Variants in CACNA2D3 observed in about 807,000 individuals in gnomAD.
CACNA2D3 encodes the protein calcium voltage-gated channel auxiliary subunit alpha2delta 3.
In CACNA2D3, 60 loss-of-function variants were observed where a neutral mutation model predicts 160.6. That is an observed-to-expected ratio of 0.37 (90% CI 0.30 to 0.46). The LOEUF is 0.46. Among genes scored for constraint, CACNA2D3 ranks in the 20% least tolerant of loss-of-function variants. The pLI is 1.00. For synonymous variants in CACNA2D3, 558 were observed against 492.9 expected, an observed-to-expected ratio of 1.13 and a Z score of -1.75; for missense variants, 1,205 against 1,365.0, an observed-to-expected ratio of 0.88 and a Z score of 1.85.
At chr3:54,679,131 C>T (rs762727913) in intron 11 of CACNA2D3, among the ~76,000 whole-genome samples, 14 of 152,150 alleles carry the variant, frequency 9.2e-5, no homozygotes, top group Non-Finnish European at 1.3e-4. Context: ...GTCTGAGTTC[C>T]CTTCCTCTGC....
intron 29 of CACNA2D3, among the ~76,000 whole-genome samples, chr3:54,982,947 G>A (rs1358162637): frequency 6.6e-6 from 1 of 152,064 alleles, no homozygotes; most frequent in Non-Finnish European, 1.5e-5. Flanking sequence ...TTTATGACTT[G>A]TTGTATCTTA....
chr3:54,878,068 C>T lies in CACNA2D3; in HGVS notation c.1711-950C>T, dbSNP rs1699705442. 1.3e-5 allele frequency among the ~76,000 whole-genome samples: 2 copies of T among 152,170 alleles called. 1 individual carries two copies. The highest frequency in any genetic ancestry group is 4.1e-4 in the South Asian group (2 of 4,828). ...AAAATTATGCCTTTACTCACTCACA[C>T]AGAAGATGAGAATGCAAACCCAAAT... On this transcript the variant is annotated intron_variant, in intron 18 of 37. Transcript: ENST00000474759.
At chr3:54,194,584 A>G (rs1260150082) in intron 2 of CACNA2D3, among the ~76,000 whole-genome samples, 2 of 152,324 alleles carry the variant, frequency 1.3e-5, no homozygotes, top group African/African-American at 2.4e-5. Context: ...CTCTGCTGCT[A>G]TAACAAAATA....
At chr3:54,649,602 A>G (rs1438634075) in intron 11 of CACNA2D3, among the ~76,000 whole-genome samples, 3 of 152,200 alleles carry the variant, frequency 2.0e-5, no homozygotes, top group Non-Finnish European at 2.9e-5. Context: ...TTTGGGTTGT[A>G]AACTGCTGCC....
At chr3:54,763,244 C>CA in intron 12 of CACNA2D3, among the ~76,000 whole-genome samples, 1 of 152,188 alleles carries the variant, frequency 6.6e-6, no homozygotes, top group South Asian at 2.1e-4. Context: ...AAGAGACTTA[C>CA]AAACCTGGAC....
chr3:54,465,000 A>G (rs1253985666), intron 4 of CACNA2D3, among the ~76,000 whole-genome samples: 1 of 152,036 alleles, frequency 6.6e-6, no homozygotes, highest in Non-Finnish European at 1.5e-5. Flanking sequence ...ACTTTATGGT[A>G]TCCCATAAGT....
At chr3:54,426,935 GT>G (rs1398070412) in intron 4 of CACNA2D3, among the ~76,000 whole-genome samples, 1 of 152,074 alleles carries the variant, frequency 6.6e-6, no homozygotes, top group African/African-American at 2.4e-5. Context: ...TGCTTGTACT[GT>G]TTCTACCTTT....
intron 11 of CACNA2D3, among the ~76,000 whole-genome samples, chr3:54,658,435 G>C (rs1699911685): frequency 6.6e-6 from 1 of 152,140 alleles, no homozygotes; most frequent in Non-Finnish European, 1.5e-5. Context: ...GAACAATGTT[G>C]AGCAGCTTTC....
Position 54,673,120 on chromosome 3 carries a change from T to A in CACNA2D3, c.1167+30879T>A, listed in dbSNP as rs1350131314. On this transcript the variant is annotated intron_variant, in intron 11 of 37. Coordinates refer to ENST00000474759, the MANE Select transcript of CACNA2D3 (RefSeq NM_018398.3). ...TCTTTGGAGATGGAATCAAGGGTGA[T>A]GCCACACATACTTCTGTCTTTAACA... 4.6e-5 allele frequency among the ~76,000 whole-genome samples: 7 copies of A among 152,324 alleles called. No individual in the cohort carries two copies. In the East Asian group the frequency reaches 1.3e-3, roughly 29 times the overall value.
chr3:54,389,097 C>T (rs1699237414), intron 4 of CACNA2D3, among the ~76,000 whole-genome samples: 1 of 152,034 alleles, frequency 6.6e-6, no homozygotes, highest in South Asian at 2.1e-4. Flanking sequence ...GAGTTTGAGA[C>T]CAGCTTGGCC....
At chr3:54,156,579 A>G (rs1466525166) in intron 2 of CACNA2D3, among the ~76,000 whole-genome samples, 1 of 152,104 alleles carries the variant, frequency 6.6e-6, no homozygotes, top group African/African-American at 2.4e-5. Context: ...ATGTTCTTAT[A>G]TTGTTCTCTG....
chr3:54,855,493 C>T lies in CACNA2D3; in HGVS notation c.1626+9026C>T, dbSNP rs574477917. Among the ~76,000 whole-genome samples the T allele has an allele frequency of 9.9e-5, 15 of 151,832 alleles. No homozygotes were observed. In the South Asian group the frequency reaches 1.0e-3, roughly 11 times the overall value. On this transcript the variant is annotated intron_variant, in intron 17 of 37. Coordinates refer to ENST00000474759, the MANE Select transcript of CACNA2D3 (RefSeq NM_018398.3). ...CTTCCTGCTGTGGCCCTGAGTGATACGAAGGTGAGAATACATGGAAGGTTT... is the reference window on the plus strand; with the variant it reads ...CTTCCTGCTGTGGCCCTGAGTGATATGAAGGTGAGAATACATGGAAGGTTT...
intron 2 of CACNA2D3, among the ~76,000 whole-genome samples, chr3:54,245,116 A>G (rs113112391): frequency 1.4e-4 from 22 of 152,316 alleles, no homozygotes; most frequent in African/African-American, 4.3e-4. Flanking sequence ...AATCTCAACA[A>G]TGTCTTTGGA....
intron 5 of CACNA2D3, among the ~76,000 whole-genome samples, chr3:54,552,083 C>A (rs1026817294): frequency 1.3e-5 from 2 of 152,140 alleles, no homozygotes; most frequent in African/African-American, 4.8e-5. Context: ...GATTTTATGC[C>A]TTGTAAATGT....
chr3:54,557,638 C>A (rs1215897068), intron 5 of CACNA2D3, among the ~76,000 whole-genome samples: 1 of 152,100 alleles, frequency 6.6e-6, no homozygotes, highest in Non-Finnish European at 1.5e-5. Flanking sequence ...GAGGCAAGCA[C>A]CATGGATTTT....
At chr3:54,822,795 C>CT (rs755241287) in intron 14 of CACNA2D3, among the ~76,000 whole-genome samples, 1,436 of 62,100 alleles carry the variant, frequency 0.023, 28 homozygotes, top group African/African-American at 0.046. Flanking sequence ...TCTTTCCTTT[C>CT]TTTCTTTCTT....
chr3:54,235,122 A>C (rs1179677053), intron 2 of CACNA2D3, among the ~76,000 whole-genome samples: 2 of 152,134 alleles, frequency 1.3e-5, no homozygotes, highest in African/African-American at 4.8e-5. Flanking sequence ...GAGGGCAGGG[A>C]ATTTATGAGT....
chr3:54,931,116 G>A (rs1457449702), intron 27 of CACNA2D3, among the ~76,000 whole-genome samples: 1 of 152,116 alleles, frequency 6.6e-6, no homozygotes, highest in Non-Finnish European at 1.5e-5. Flanking sequence ...AAAAAACAAA[G>A]TGGCATCTCT....
At chr3:54,361,231 G>A (rs1033497173) in intron 3 of CACNA2D3, among the ~76,000 whole-genome samples, 21 of 151,386 alleles carry the variant, frequency 1.4e-4, no homozygotes, top group Non-Finnish European at 2.4e-4. Context: ...CATAAATGGA[G>A]TGGGCAGGTT....
Sources: allele counts gnomAD v4.1 joint callset (sites outside exome capture counted in the v4.1 genomes callset), GRCh38; gene constraint gnomAD v4.1.1; transcripts MANE v1.5; gene names NCBI Gene and HGNC (gene_info 2026-07-23, HGNC 2026-07-21).